The following GGT5 variants were observed in gnomAD, a reference collection of about 807,000 sequenced individuals.
GGT5 encodes the protein gamma-glutamyltransferase 5, also known as glutathione hydrolase 5 proenzyme.
A neutral mutation model predicts 58.1 loss-of-function variants in GGT5; 50 were observed. That is an observed-to-expected ratio of 0.86 (90% CI 0.69 to 1.09). The LOEUF is 1.09. Among genes scored for constraint, GGT5 ranks in the 50% least tolerant of loss-of-function variants. GGT5 has a pLI of 0.00. For missense variants in GGT5, 800 were observed against 789.4 expected (o/e 1.01, Z -0.16); for synonymous variants, 370 against 346.1 (o/e 1.07, Z -0.77).
chr22:24,224,888 A>C, intron 11 of GGT5, 108 bp downstream of exon 11: 1 of 727,388 alleles, frequency 1.4e-6, no homozygotes, highest in South Asian at 1.7e-5. Flanking sequence ...GTTGAAGTGT[A>C]CCTGGCCTAA....
chr22:24,229,279 C>A (rs1167203291), intron 6 of GGT5, among the ~76,000 whole-genome samples: 1 of 151,380 alleles, frequency 6.6e-6, no homozygotes, highest in African/African-American at 2.4e-5. Context: ...TGGTGGCAGG[C>A]GCCTGTAATC....
At chr22:24,243,457 A>C (rs1207552304) in intron 1 of GGT5, 2 of 152,198 alleles carry the variant, frequency 1.3e-5, no homozygotes, top group Non-Finnish European at 2.9e-5. Context: ...GGATGGACAG[A>C]TGGGGGAATG....
At chr22:24,225,964 G>A in intron 8 of GGT5, 112 bp downstream of exon 8, 1 of 763,062 alleles carries the variant, frequency 1.3e-6, no homozygotes. Flanking sequence ...GAGAAAAAGG[G>A]CAAAAGCAAG....
intron 2 of GGT5, 60 bp from the exon 3 acceptor site, chr22:24,233,653 C>G: frequency 9.9e-7 from 1 of 1,014,238 alleles, no homozygotes; most frequent in African/African-American, 1.6e-5. Flanking sequence ...CTGGCCTGCT[C>G]TAGGCCTCAG....
At position 24,220,631 on chromosome 22, in the gene GGT5, A is replaced by T. The variant is rs1020244821; in HGVS notation, c.1615-515T>A. 2.0e-5 allele frequency: 9 copies of T among 454,528 alleles called. No individual in the cohort carries two copies. In the East Asian group the frequency reaches 6.3e-4, roughly 32 times the overall value. 28.2% of individuals were successfully genotyped at this position (454,528 alleles called of 1,614,324 possible). A position where few individuals can be genotyped will look rare whatever the true frequency, so the allele number is the denominator to read the frequency against. Reference sequence around the variant, plus strand: ...ATAAAAAAAAGCCAGGCGTGGTGGCACATACCTACAGTCTTAGCCACTTGG... The same window carrying T: ...ATAAAAAAAAGCCAGGCGTGGTGGCTCATACCTACAGTCTTAGCCACTTGG... On this transcript the variant is annotated intron_variant, in intron 11 of 11. Transcript: ENST00000327365.
chr22:24,221,275 A>C (rs562147106), intron 11 of GGT5, among the ~76,000 whole-genome samples: 27 of 152,248 alleles, frequency 1.8e-4, no homozygotes, highest in Middle Eastern at 3.4e-3. Flanking sequence ...CATTAGCCAC[A>C]AGATTAGAAA....
rs1234529525 is a variant in GGT5 at position 24,225,008 on chromosome 22, G to A, written c.1602C>T (p.Pro534=). 5 of 1,590,310 alleles carry A rather than the reference G, an allele frequency of 3.1e-6. No individual in the cohort carries two copies. Among genetic ancestry groups the A allele is most frequent in the Admixed American group, 3.5e-5 (2 of 57,228 alleles). ...ACCTCAGCCTCACCTGGCTGAAGTT[G>A]GGCTCGTACTCCACACAGCCCTTGC... ...VNSKGCVEYE[P]NFSQEVQRGL... The change falls in exon 11 of 12, where the codon CCC becomes CCT. Residue 534 remains proline (P), a synonymous_variant. Coordinates refer to ENST00000327365, the MANE Select transcript of GGT5 (RefSeq NM_004121.5).
At chr22:24,234,051 C>T in intron 1 of GGT5, 47 bp from the exon 2 acceptor site, 1 of 1,557,288 alleles carries the variant, frequency 6.4e-7, no homozygotes, top group Non-Finnish European at 8.7e-7. Context: ...CTCCCCCTGC[C>T]TCCCCACCAG....
chr22:24,232,190 C>T lies in GGT5; in HGVS notation c.615G>A (p.Gly205=). 6.5e-7 allele frequency: 1 copy of T among 1,531,850 alleles called. No homozygotes were observed. The highest frequency in any genetic ancestry group is 8.8e-7 in the Non-Finnish European group (1 of 1,134,506). The allele number at this position is 1,531,850 out of a possible 1,614,324, so 94.9% of individuals were successfully genotyped here. The part of the protein sequence containing the change: ...ASTLRQLFFN[G]TEPLRPQDPL... The stretch of plus-strand genomic sequence containing the variant: ...GGTCCTGAGGCCTCAGGGGTTCTGT[C>T]CCGTTGAAGAAGAGCTGGCTGGGGG... The change falls in exon 5 of 12, where the codon GGG becomes GGA. Residue 205 remains glycine, a synonymous_variant. Coordinates refer to ENST00000327365, the MANE Select transcript of GGT5 (RefSeq NM_004121.5).
In GGT5 at chr22:24,244,564, C is replaced by T. The variant is rs200177467; in HGVS notation, c.162G>A (p.Ser54=). Residue 54 remains serine (S), a synonymous_variant, in exon 1 of 12, where the codon TCG becomes TCA. Coordinates refer to ENST00000327365, the MANE Select transcript of GGT5 (RefSeq NM_004121.5). ...AAVAADSKVC[S]DIGRAILQQQ... ...CACGTCTCACTCACCGTCCAATATCCGAGCAGACCTTGGAGTCGGCGGCAA... is the reference window on the plus strand; with the variant it reads ...CACGTCTCACTCACCGTCCAATATCTGAGCAGACCTTGGAGTCGGCGGCAA... 170 of 1,611,818 alleles carry T rather than the reference C, an allele frequency of 1.1e-4. No individual in the cohort carries two copies. The highest frequency in any genetic ancestry group is 4.2e-4 in the Middle Eastern group (2 of 4,780).
intron 11 of GGT5, chr22:24,220,694 G>C (rs992623835): frequency 6.6e-6 from 3 of 455,218 alleles, no homozygotes; most frequent in Non-Finnish European, 1.3e-5. Context: ...CCAGGAGTTT[G>C]AGAACAGCCA....
In GGT5 at chr22:24,232,850, C is replaced by T. The variant is rs141311927; in HGVS notation, c.569G>A (p.Arg190Gln). 38 of 1,558,356 alleles carry T rather than the reference C, an allele frequency of 2.4e-5. No individual in the cohort carries two copies. The highest frequency in any genetic ancestry group is 2.1e-4 in the East Asian group (9 of 42,678). The change falls in exon 4 of 12, where the codon CGG becomes CAG. Residue 190 changes from arginine to glutamine, a missense_variant. Arg to Gln is a conservative substitution (Grantham distance 43). Coordinates refer to ENST00000327365, the MANE Select transcript of GGT5 (RefSeq NM_004121.5). ...CAGGGTTGACGCCTGCAAGGAAGGC[C>T]GCAGGATGCTGTTGTGCAGGAAACG... ...LSRFLHNSILRPSLQASTLRQ... is the reference protein window; with the variant it reads ...LSRFLHNSILQPSLQASTLRQ...
chr22:24,220,329 A>G (rs1239494638), intron 11 of GGT5, among the ~76,000 whole-genome samples: 1 of 152,206 alleles, frequency 6.6e-6, no homozygotes, highest in African/African-American at 2.4e-5. Flanking sequence ...ACTATGTACG[A>G]AGGACACCAC....
chr22:24,231,980 T>A, intron 5 of GGT5, 71 bp downstream of exon 5: 2 of 1,346,686 alleles, frequency 1.5e-6, no homozygotes, highest in South Asian at 2.4e-5. Flanking sequence ...GAGCCTGCCC[T>A]CAACCCCCAG....
chr22:24,234,984 C>T (rs1254207049), intron 1 of GGT5, among the ~76,000 whole-genome samples: 1 of 151,502 alleles, frequency 6.6e-6, no homozygotes, highest in Non-Finnish European at 1.5e-5. Context: ...GCCTGCACAG[C>T]TCACTGAGGT....
chr22:24,226,902 C>T (rs2047784988), intron 6 of GGT5, 135 bp from the exon 7 acceptor site: 1 of 578,414 alleles, frequency 1.7e-6, no homozygotes. Context: ...TTATACAGCA[C>T]AAGAGTGACT....
chr22:24,230,619 CATT>C (rs914016655), intron 6 of GGT5, among the ~76,000 whole-genome samples: 5 of 152,026 alleles, frequency 3.3e-5, no homozygotes, highest in Admixed American at 6.6e-5. Flanking sequence ...AATAAATTAT[CATT>C]GATTGTAAAC....
Position 24,225,215 on chromosome 22 carries a change from AGACACTCGAGCCAG to A in GGT5, c.1503+16_1503+29del. The A allele has an allele frequency of 6.2e-7, 1 of 1,607,248 alleles. No individual in the cohort carries two copies. Among genetic ancestry groups the A allele is most frequent in the Non-Finnish European group, 8.5e-7 (1 of 1,175,054 alleles). On this transcript the variant is annotated intron_variant, in intron 10 of 11. Transcript: ENST00000327365. Reference sequence around the variant, plus strand: ...TCAGACAGTATGCTGCCCAGAGAGGAGACACTCGAGCCAGGAGCCCCAGACTCACCTGGGCCACA... The same window carrying A: ...TCAGACAGTATGCTGCCCAGAGAGGAGAGCCCCAGACTCACCTGGGCCACA...
chr22:24,223,585 G>T (rs1309644486), intron 11 of GGT5, among the ~76,000 whole-genome samples: 1 of 151,868 alleles, frequency 6.6e-6, no homozygotes, highest in African/African-American at 2.4e-5. Flanking sequence ...ACAGGCTGAG[G>T]TCCTTAGTCT....
Sources: allele counts gnomAD v4.1 joint callset (sites outside exome capture counted in the v4.1 genomes callset), GRCh38; gene constraint gnomAD v4.1.1; transcripts MANE v1.5; gene names NCBI Gene and HGNC (gene_info 2026-07-23, HGNC 2026-07-21).